The following CCDC30 variants were observed in gnomAD, a reference collection of about 807,000 sequenced individuals.
CCDC30 encodes the protein coiled-coil domain containing 30.
Under a neutral mutation model 100.2 loss-of-function variants are expected in CCDC30, and 70 were observed. The observed-to-expected ratio is 0.70, with a 90% CI of 0.58 to 0.85. CCDC30 has a LOEUF of 0.85. CCDC30 is among the 40% of genes least tolerant of loss of function. The pLI, the probability that CCDC30 is intolerant of heterozygous loss-of-function variation, is 0.00. For missense variants in CCDC30, 652 were observed against 771.2 expected (o/e 0.85, Z 1.83); for synonymous variants, 233 against 269.5 (o/e 0.86, Z 1.33).
At chr1:42,632,144 C>T (rs563899896) in intron 11 of CCDC30, among the ~76,000 whole-genome samples, 27 of 152,234 alleles carry the variant, frequency 1.8e-4, no homozygotes, top group African/African-American at 6.5e-4. Context: ...ATCTGAGTAT[C>T]GCTGCTGGTT....
In CCDC30 at chr1:42,545,601, T is replaced by A. The variant is rs1453728429; in HGVS notation, c.457-20695T>A. 4 of 1,574,678 alleles carry A rather than the reference T, an allele frequency of 2.5e-6. No homozygotes were observed. In the Admixed American group the frequency reaches 7.7e-5, roughly 30 times the overall value. On this transcript the variant is annotated intron_variant, in intron 6 of 16. Transcript: ENST00000668663. ...TCTGGTAAATTGGGAAAATCCTATA[T>A]CACATTAATTATTCAGAGAGGGTAT...
chr1:42,534,247 G>T (rs1396343271), intron 6 of CCDC30, among the ~76,000 whole-genome samples: 1 of 151,858 alleles, frequency 6.6e-6, no homozygotes, highest in Non-Finnish European at 1.5e-5. Flanking sequence ...TTTAAGAGTT[G>T]AGATGTTTCT....
intron 6 of CCDC30, among the ~76,000 whole-genome samples, chr1:42,535,582 G>A (rs1021156437): frequency 8.0e-4 from 117 of 145,478 alleles, no homozygotes; most frequent in African/African-American, 2.9e-3. Context: ...GGGGTCGGCC[G>A]GGCACGGTGG....
intron 11 of CCDC30, among the ~76,000 whole-genome samples, chr1:42,615,598 C>A (rs904160220): frequency 1.3e-5 from 2 of 151,964 alleles, no homozygotes; most frequent in African/African-American, 4.8e-5. Context: ...CCACCGCGCC[C>A]GGCCAAGCAA....
intron 7 of CCDC30, among the ~76,000 whole-genome samples, chr1:42,575,590 C>A (rs1645817195): frequency 7.7e-6 from 1 of 130,564 alleles, no homozygotes; most frequent in African/African-American, 3.0e-5. Flanking sequence ...GCAGAGCTTG[C>A]AGTGAGCAGA....
intron 1 of CCDC30, among the ~76,000 whole-genome samples, chr1:42,479,976 G>A (rs1256400107): frequency 6.6e-6 from 1 of 152,122 alleles, no homozygotes; most frequent in Non-Finnish European, 1.5e-5. Flanking sequence ...TGGCCAGATG[G>A]GGACTCTTTC....
chr1:42,524,134 C>T (rs1479837509), intron 6 of CCDC30, among the ~76,000 whole-genome samples: 1 of 151,336 alleles, frequency 6.6e-6, no homozygotes, highest in Admixed American at 6.6e-5. Flanking sequence ...AAATGGGCCA[C>T]ACCTTCATGT....
At chr1:42,462,449 G>T (rs1643437538), upstream of CCDC30, among the ~76,000 whole-genome samples, 1 of 152,158 alleles carries the variant, frequency 6.6e-6, no homozygotes. Context: ...GTGCCAGAAG[G>T]AGAGGTTGAG....
At chr1:42,467,078 C>T (rs1643614027) in intron 1 of CCDC30, among the ~76,000 whole-genome samples, 1 of 152,136 alleles carries the variant, frequency 6.6e-6, no homozygotes, top group Non-Finnish European at 1.5e-5. Flanking sequence ...ATATAAGCAG[C>T]ATGATAGGGA....
At chr1:42,507,651 T>A (rs771745612) in intron 6 of CCDC30, among the ~76,000 whole-genome samples, 5 of 152,238 alleles carry the variant, frequency 3.3e-5, no homozygotes, top group Non-Finnish European at 7.3e-5. Flanking sequence ...TAGTAACTCA[T>A]AGCAATTTTT....
At chr1:42,639,634 C>T (rs1340201921) in intron 12 of CCDC30, among the ~76,000 whole-genome samples, 3 of 152,172 alleles carry the variant, frequency 2.0e-5, no homozygotes, top group African/African-American at 4.8e-5. Context: ...CTAGCCCTGC[C>T]TGTAAGCTTG....
exon 6 of CCDC30, chr1:42,498,878 T>G: frequency 8.1e-7 from 1 of 1,234,024 alleles, no homozygotes; most frequent in South Asian, 4.1e-5. Context: ...TGGAAACCAC[T>G]CCCCTGGAAA....
chr1:42,527,692 C>T (rs1382484579), intron 6 of CCDC30, among the ~76,000 whole-genome samples: 1 of 152,138 alleles, frequency 6.6e-6, no homozygotes, highest in Non-Finnish European at 1.5e-5. Flanking sequence ...GACTGAATCT[C>T]TTATGCAAAT....
intron 11 of CCDC30, among the ~76,000 whole-genome samples, chr1:42,635,823 A>AG (rs1557479768): frequency 1.3e-5 from 2 of 150,104 alleles, no homozygotes. Context: ...AAAAAAAAAA[A>AG]TGGCAACTCT....
intron 10 of CCDC30, among the ~76,000 whole-genome samples, chr1:42,606,868 C>A (rs12034257): frequency 0.24 from 36,957 of 152,108 alleles, 4,974 homozygotes; most frequent in South Asian, 0.46. Flanking sequence ...AATGAATCCA[C>A]CATGAGGACC....
At chr1:42,492,167 A>G (rs1397630539) in intron 4 of CCDC30, 1 of 249,384 alleles carries the variant, frequency 4.0e-6, no homozygotes, top group South Asian at 5.4e-5. Flanking sequence ...AAAAAACACA[A>G]TCTGATACAG....
rs1332392162 is a variant in CCDC30, at chr1:42,581,351, TCA to T, written c.847-8_847-7del. On this transcript the variant is annotated splice_polypyrimidine_tract_variant and splice_region_variant and intron_variant, in intron 8 of 16. Coordinates refer to ENST00000668663, the Ensembl canonical transcript of CCDC30. The stretch of plus-strand genomic sequence containing the variant: ...TAATGCTTTACTTGTAAATGTTTTT[TCA>T]TTCAAGATTTTGGACCTGCAGCGGA... 2 of 1,589,590 alleles carry T rather than the reference TCA, an allele frequency of 1.3e-6. No homozygotes were observed. Among genetic ancestry groups the T allele is most frequent in the Admixed American group, 1.9e-5 (1 of 52,894 alleles).
intron 10 of CCDC30, among the ~76,000 whole-genome samples, chr1:42,598,749 C>A (rs1008842586): frequency 6.6e-6 from 1 of 151,740 alleles, no homozygotes; most frequent in African/African-American, 2.4e-5. Context: ...CAGAGTGAGA[C>A]CCTGTCTCAA....
chr1:42,573,668 G>A (rs528819886), intron 7 of CCDC30, among the ~76,000 whole-genome samples: 5 of 151,876 alleles, frequency 3.3e-5, no homozygotes, highest in African/African-American at 1.2e-4. Flanking sequence ...AGTCTCAAAG[G>A]AAAAGCTCTC....
Sources: allele counts gnomAD v4.1 joint callset (sites outside exome capture counted in the v4.1 genomes callset), GRCh38; gene constraint gnomAD v4.1.1; transcripts MANE v1.5; gene names NCBI Gene and HGNC (gene_info 2026-07-23, HGNC 2026-07-21).